Variants in TOX2 observed in about 807,000 individuals in gnomAD.
TOX2 encodes the protein granulosa cell HMG box 1.
A neutral mutation model predicts 47.4 loss-of-function variants in TOX2; 15 were observed. The observed-to-expected ratio is 0.32, with a 90% CI of 0.21 to 0.49. The LOEUF (loss-of-function observed/expected upper bound fraction) is 0.49, where lower values mean the gene tolerates loss of function less well. Among genes scored for constraint, TOX2 ranks in the 20% least tolerant of loss-of-function variants. TOX2 has a pLI of 0.99. For missense variants in TOX2, 622 were observed against 673.1 expected (o/e 0.92, Z 0.84); for synonymous variants, 290 against 296.6 (o/e 0.98, Z 0.23).
At chr20:44,057,564 A>G (rs1231917552) in intron 5 of TOX2, among the ~76,000 whole-genome samples, 1 of 152,256 alleles carries the variant, frequency 6.6e-6, no homozygotes, top group Non-Finnish European at 1.5e-5. Context: ...CTTTCAAATC[A>G]TCAAAGAGCT....
chr20:44,064,237 A>AAGGC (rs1385601376), intron 5 of TOX2, among the ~76,000 whole-genome samples: 1 of 152,232 alleles, frequency 6.6e-6, no homozygotes, highest in Non-Finnish European at 1.5e-5. Flanking sequence ...CAAGTCACAC[A>AAGGC]AGGCTAAGCT....
chr20:43,920,940 C>A (rs1382361705), intron 1 of TOX2, among the ~76,000 whole-genome samples: 1 of 152,192 alleles, frequency 6.6e-6, no homozygotes, highest in Non-Finnish European at 1.5e-5. Flanking sequence ...TTTGTATTCC[C>A]AGCGCTAGCC....
chr20:43,997,931 A>G (rs2070507547), intron 2 of TOX2, among the ~76,000 whole-genome samples: 1 of 152,098 alleles, frequency 6.6e-6, no homozygotes, highest in Non-Finnish European at 1.5e-5. Flanking sequence ...TTTGTTAATA[A>G]CTAGGTTGGT....
intron 1 of TOX2, among the ~76,000 whole-genome samples, chr20:43,948,210 A>C (rs2069503079): frequency 6.6e-6 from 1 of 152,236 alleles, no homozygotes; most frequent in Non-Finnish European, 1.5e-5. Context: ...CAAACACGGC[A>C]GGCACCTGCT....
At chr20:43,932,768 G>T (rs891582349) in intron 1 of TOX2, among the ~76,000 whole-genome samples, 3 of 143,268 alleles carry the variant, frequency 2.1e-5, no homozygotes, top group African/African-American at 8.6e-5. Flanking sequence ...TTGGAGAGGG[G>T]TTGCTGCCCC....
At position 43,915,338 on chromosome 20, in the gene TOX2, C is replaced by A. The variant is rs1453143044; in HGVS notation, c.99+348C>A. Among the ~76,000 whole-genome samples, 4 of 152,184 alleles carry A rather than the reference C, an allele frequency of 2.6e-5. No individual in the cohort carries two copies. Among genetic ancestry groups the A allele is most frequent in the Non-Finnish European group, 5.9e-5 (4 of 68,026 alleles). On this transcript the variant is annotated intron_variant, in intron 1 of 8. Coordinates refer to ENST00000341197, the MANE Select transcript of TOX2 (RefSeq NM_001098797.2). The surrounding 1 kb of genome is among the most constrained non-coding windows in gnomAD (Gnocchi z 7.1). ...GTCCCACGCAAGTCACCCTGACAGT[C>A]ACTTATACACAACGACACGCAACCA... is the stretch of plus-strand genomic sequence containing the variant.
intron 1 of TOX2, among the ~76,000 whole-genome samples, chr20:43,927,041 T>C (rs576783313): frequency 6.6e-6 from 1 of 152,370 alleles, no homozygotes; most frequent in South Asian, 2.1e-4. Context: ...GCCATATCCA[T>C]TGTAACAATT....
At chr20:43,992,513 T>C (rs1353862628) in intron 2 of TOX2, among the ~76,000 whole-genome samples, 1 of 152,066 alleles carries the variant, frequency 6.6e-6, no homozygotes, top group Non-Finnish European at 1.5e-5. Context: ...TTGAGGCCAC[T>C]GTGGGAAACT....
intron 3 of TOX2, among the ~76,000 whole-genome samples, chr20:44,036,972 T>C (rs1237488611): frequency 6.6e-6 from 1 of 152,256 alleles, no homozygotes; most frequent in African/African-American, 2.4e-5. Flanking sequence ...TTTTCTTTTT[T>C]GAGATGGATT....
At chr20:43,936,679 G>A (rs902691081) in intron 1 of TOX2, among the ~76,000 whole-genome samples, 1 of 152,178 alleles carries the variant, frequency 6.6e-6, no homozygotes, top group African/African-American at 2.4e-5. Flanking sequence ...GGGCTCCCAG[G>A]CTCCCTGGTG....
intron 1 of TOX2, among the ~76,000 whole-genome samples, chr20:43,963,164 G>T (rs557536212): frequency 1.3e-5 from 2 of 151,994 alleles, no homozygotes; most frequent in East Asian, 3.9e-4. Context: ...AGCGAGGTAG[G>T]TGGGAGGGGG....
chr20:43,999,223 A>G (rs764592009), intron 2 of TOX2, among the ~76,000 whole-genome samples: 15 of 152,146 alleles, frequency 9.9e-5, no homozygotes, highest in Non-Finnish European at 1.9e-4. Context: ...CCATTTTATG[A>G]ATATTCTTTA....
At chr20:43,976,782 G>GCGCGCACA (rs1555835309) in intron 2 of TOX2, among the ~76,000 whole-genome samples, 20 of 146,538 alleles carry the variant, frequency 1.4e-4, no homozygotes, top group African/African-American at 4.7e-4. Flanking sequence ...GAGCGCGCGC[G>GCGCGCACA]CACACACACA....
In TOX2 at chr20:44,066,834, G is replaced by C. The variant is rs1331497399; in HGVS notation, c.1461G>C (p.Gly487=). Residue 487 remains glycine, a synonymous_variant, in exon 8 of 9, where the codon GGG becomes GGC. Coordinates refer to ENST00000341197, the MANE Select transcript of TOX2 (RefSeq NM_001098797.2). The part of the protein sequence containing the change: ...SGDWDSSYPS[G]ECGISTCSLL... ...ACTGGGACAGCAGCTACCCCAGTGG[G>C]GAGTGTGGCATCAGCACCTGCAGGT... The C allele has an allele frequency of 6.2e-7, 1 of 1,613,936 alleles. No homozygotes were observed.
rs115696931 is a variant in TOX2, at chr20:44,068,006, C to A, written c.1485-644C>A. On this transcript the variant is annotated intron_variant, in intron 8 of 8. Transcript: ENST00000341197. Reference sequence around the variant, plus strand: ...TGGTTCCTCTGCTGACCCACCAGCGCCCTTGGACACTGAACAAGTGACCAG... The same window carrying A: ...TGGTTCCTCTGCTGACCCACCAGCGACCTTGGACACTGAACAAGTGACCAG... Among the ~76,000 whole-genome samples, 708 of 152,272 alleles carry A rather than the reference C, an allele frequency of 4.6e-3. 5 individuals are homozygous for A. Among genetic ancestry groups the A allele is most frequent in the African/African-American group, 0.017 (687 of 41,548 alleles).
At chr20:43,930,336 A>C (rs902132939) in intron 1 of TOX2, among the ~76,000 whole-genome samples, 1 of 152,210 alleles carries the variant, frequency 6.6e-6, no homozygotes, top group African/African-American at 2.4e-5. Flanking sequence ...TGTGAGGGAC[A>C]CAGTGTTTGG....
intron 3 of TOX2, among the ~76,000 whole-genome samples, chr20:44,025,169 A>G (rs1003581753): frequency 2.6e-5 from 4 of 151,912 alleles, no homozygotes; most frequent in Admixed American, 2.6e-4. Context: ...TTTTATTATT[A>G]TTATATTTTG....
rs113520792 is a variant in TOX2 at position 43,984,643 on chromosome 20, G to C, written c.165+11211G>C. On this transcript the variant is annotated intron_variant, in intron 2 of 8. Transcript: ENST00000341197. ...GCATGGAGACATTGGGGAATGGATG[G>C]GGGGAGGACTTTGGTCTGCATTTAT... Among the ~76,000 whole-genome samples the C allele has an allele frequency of 7.6e-4, 116 of 152,306 alleles. No individual in the cohort carries two copies. The South Asian group carries it at 8.3e-3, about 11-fold the overall frequency.
intron 1 of TOX2, among the ~76,000 whole-genome samples, chr20:43,957,214 C>T (rs962680185): frequency 1.3e-5 from 2 of 152,158 alleles, no homozygotes; most frequent in African/African-American, 2.4e-5. Context: ...TTAATCCATT[C>T]GGAGTGCATG....
Sources: gnomAD v4.1 joint callset for allele counts (sites outside exome capture counted in the v4.1 genomes callset) on GRCh38, gnomAD v4.1.1 for gene constraint, Gnocchi (gnomAD v3.1) non-coding constraint, MANE v1.5 for transcripts, NCBI Gene and HGNC (gene_info 2026-07-23, HGNC 2026-07-21) for gene names.